The following RGS7BP variants were observed in gnomAD, a reference collection of about 807,000 sequenced individuals.
RGS7BP encodes the protein regulator of G protein signaling 7 binding protein.
Under a neutral mutation model 31.3 loss-of-function variants are expected in RGS7BP, and 9 were observed. That is an observed-to-expected ratio of 0.29 (90% CI 0.17 to 0.50). The LOEUF (loss-of-function observed/expected upper bound fraction) is 0.50. Ranked by LOEUF, RGS7BP falls within the 20% of genes least tolerant of loss-of-function variation. The pLI is 0.98. For missense variants in RGS7BP, 274 were observed against 322.0 expected, an observed-to-expected ratio of 0.85 and a Z score of 1.14; for synonymous variants, 115 against 120.1, an observed-to-expected ratio of 0.96 and a Z score of 0.28.
intron 2 of RGS7BP, among the ~76,000 whole-genome samples, chr5:64,540,899 C>T (rs935818850): frequency 6.6e-6 from 1 of 152,178 alleles, no homozygotes; most frequent in African/African-American, 2.4e-5. Context: ...CTAGAGGAGT[C>T]CTGCATTGAA....
At chr5:64,545,910 C>T (rs1015869620) in intron 2 of RGS7BP, among the ~76,000 whole-genome samples, 6 of 152,010 alleles carry the variant, frequency 3.9e-5, no homozygotes, top group African/African-American at 7.2e-5. Context: ...TGCTCTGGGC[C>T]GGAAATAAAT....
intron 2 of RGS7BP, among the ~76,000 whole-genome samples, chr5:64,516,099 C>T (rs1000210229): frequency 2.6e-5 from 4 of 152,060 alleles, no homozygotes; most frequent in African/African-American, 9.7e-5. Flanking sequence ...TCACCGCTCT[C>T]GACCGAAATA....
intron 2 of RGS7BP, among the ~76,000 whole-genome samples, chr5:64,532,109 T>G (rs560600982): frequency 1.3e-5 from 2 of 152,292 alleles, no homozygotes; most frequent in African/African-American, 4.8e-5. Flanking sequence ...TTGGCATGCT[T>G]ACTGTCTTTC....
chr5:64,565,842 T>C (rs1357334368), intron 2 of RGS7BP, among the ~76,000 whole-genome samples: 1 of 152,192 alleles, frequency 6.6e-6, no homozygotes, highest in Non-Finnish European at 1.5e-5. Flanking sequence ...CATGGGCCTT[T>C]TTGTAGAAAA....
intron 2 of RGS7BP, among the ~76,000 whole-genome samples, chr5:64,514,682 G>A (rs902517048): frequency 1.3e-5 from 2 of 152,256 alleles, no homozygotes; most frequent in African/African-American, 4.8e-5. Flanking sequence ...GGAATACTGG[G>A]GAGAGCTGGT....
chr5:64,506,925 C>A lies in RGS7BP; in HGVS notation c.165+136C>A, dbSNP rs980612651. 1 of 797,734 alleles carries A rather than the reference C, an allele frequency of 1.3e-6. No individual in the cohort carries two copies. The highest frequency in any genetic ancestry group is 1.9e-6 in the Non-Finnish European group (1 of 514,912). The allele number at this position is 797,734 out of a possible 1,614,324, so 49.4% of individuals were successfully genotyped here. On this transcript the variant is annotated intron_variant, in intron 1 of 5. Transcript: ENST00000334025. The surrounding 1 kb of genome is among the most constrained non-coding windows in gnomAD (Gnocchi z 4.6). Reference sequence around the variant, plus strand: ...CTCAATGCCGATCACGTGGCACATGCACTATTTTTAAATCTGCAGTCCCCC... The same window carrying A: ...CTCAATGCCGATCACGTGGCACATGAACTATTTTTAAATCTGCAGTCCCCC...
chr5:64,568,480 G>T (rs1451483326), intron 2 of RGS7BP, among the ~76,000 whole-genome samples: 4 of 152,136 alleles, frequency 2.6e-5, no homozygotes, highest in African/African-American at 9.7e-5. Context: ...AAGAAATGGT[G>T]CCTTGTACAT....
intron 2 of RGS7BP, among the ~76,000 whole-genome samples, chr5:64,553,616 G>A (rs1263425497): frequency 6.6e-6 from 1 of 151,850 alleles, no homozygotes; most frequent in Non-Finnish European, 1.5e-5. Context: ...AGGCTTTGGG[G>A]TTACAGTACC....
intron 2 of RGS7BP, among the ~76,000 whole-genome samples, chr5:64,520,699 C>T (rs1749083309): frequency 6.6e-6 from 1 of 152,136 alleles, no homozygotes; most frequent in Non-Finnish European, 1.5e-5. Context: ...CTACTTTTTC[C>T]CAGGGTAGGA....
intron 1 of RGS7BP, among the ~76,000 whole-genome samples, chr5:64,507,214 G>A (rs1195397084): frequency 1.3e-5 from 2 of 152,238 alleles, no homozygotes; most frequent in African/African-American, 2.4e-5. Flanking sequence ...AGAGGCTGTA[G>A]CTGGTCTTCC....
intron 2 of RGS7BP, among the ~76,000 whole-genome samples, chr5:64,563,410 A>G (rs1742098611): frequency 6.6e-6 from 1 of 152,166 alleles, no homozygotes; most frequent in Non-Finnish European, 1.5e-5. Context: ...TAATTTGTTA[A>G]GATGAAATCT....
intron 2 of RGS7BP, among the ~76,000 whole-genome samples, chr5:64,512,205 C>G (rs1023852611): frequency 6.6e-6 from 1 of 152,138 alleles, no homozygotes; most frequent in Non-Finnish European, 1.5e-5. Context: ...GTTAATGGCT[C>G]TCAAGAGAAT....
chr5:64,563,687 C>G (rs979712900), intron 2 of RGS7BP, among the ~76,000 whole-genome samples: 1 of 152,140 alleles, frequency 6.6e-6, no homozygotes, highest in Non-Finnish European at 1.5e-5. Context: ...AGCTGTGAGA[C>G]AGTATATTTC....
intron 2 of RGS7BP, among the ~76,000 whole-genome samples, chr5:64,534,852 A>C (rs1250606873): frequency 6.6e-6 from 1 of 152,198 alleles, no homozygotes. Context: ...GAGTTCATGT[A>C]GGGAGATGAT....
chr5:64,515,868 C>T (rs550522747), intron 2 of RGS7BP, among the ~76,000 whole-genome samples: 2 of 151,508 alleles, frequency 1.3e-5, no homozygotes, highest in Non-Finnish European at 2.9e-5. Context: ...GAGATGAGGT[C>T]TCACTCTGCT....
At chr5:64,605,333 G>A (rs576167444) in intron 5 of RGS7BP, among the ~76,000 whole-genome samples, 3 of 152,236 alleles carry the variant, frequency 2.0e-5, no homozygotes, top group South Asian at 2.1e-4. Context: ...AATGAGTGGG[G>A]AAACATTCCC....
intron 2 of RGS7BP, among the ~76,000 whole-genome samples, chr5:64,566,056 G>A (rs1379006529): frequency 6.6e-6 from 1 of 152,100 alleles, no homozygotes; most frequent in African/African-American, 2.4e-5. Context: ...GGCTGGGGAA[G>A]AAAGCTCTAA....
intron 2 of RGS7BP, among the ~76,000 whole-genome samples, chr5:64,569,625 A>G (rs1006813840): frequency 6.6e-6 from 1 of 152,128 alleles, no homozygotes; most frequent in Non-Finnish European, 1.5e-5. Flanking sequence ...CAACTATCCA[A>G]TGATTACGTA....
rs546595354 is a variant in RGS7BP at position 64,519,455 on chromosome 5, G to GAT, written c.332+11580_332+11581dup. On this transcript the variant is annotated intron_variant, in intron 2 of 5. Transcript: ENST00000334025. Reference sequence around the variant, plus strand: ...AACTCTGCAATAGAAATAGGCAGAGGATACAGTAGAGGAAGAGTAATCAGC... The same window carrying GAT: ...AACTCTGCAATAGAAATAGGCAGAGGATATACAGTAGAGGAAGAGTAATCAGC... Among the ~76,000 whole-genome samples, 28 of 152,322 alleles carry GAT rather than the reference G, an allele frequency of 1.8e-4. No homozygotes were observed. In the East Asian group the frequency reaches 3.7e-3, roughly 20 times the overall value.
Sources: gnomAD v4.1 joint callset for allele counts (sites outside exome capture counted in the v4.1 genomes callset) on GRCh38, gnomAD v4.1.1 for gene constraint, Gnocchi (gnomAD v3.1) non-coding constraint, MANE v1.5 for transcripts, NCBI Gene and HGNC (gene_info 2026-07-23, HGNC 2026-07-21) for gene names.